The following SRPK2 variants were observed in gnomAD, a reference collection of about 807,000 sequenced individuals.
The protein encoded by SRPK2 is SFRS protein kinase 2.
Under a neutral mutation model 90.8 loss-of-function variants are expected in SRPK2, and 21 were observed. The observed-to-expected ratio is 0.23, with a 90% confidence interval of 0.16 to 0.33. SRPK2 has a LOEUF of 0.33. Among genes scored for constraint, SRPK2 ranks in the 10% least tolerant of loss-of-function variants. SRPK2 has a pLI of 1.00. For missense variants in SRPK2, 620 were observed against 869.0 expected (o/e 0.71, Z 3.60); for synonymous variants, 288 against 311.1 (o/e 0.93, Z 0.78).
At chr7:105,204,870 G>C (rs1795998557) in intron 2 of SRPK2, 4 of 434,748 alleles carry the variant, frequency 9.2e-6, no homozygotes, top group Non-Finnish European at 1.8e-5. Flanking sequence ...TAGTTGTTGA[G>C]AGCAGGTGGA....
chr7:105,130,549 CCAAA>C (rs1391448602), intron 13 of SRPK2, among the ~76,000 whole-genome samples: 7 of 151,860 alleles, frequency 4.6e-5, no homozygotes, highest in Non-Finnish European at 7.4e-5. Context: ...GACCTTGTCT[CCAAA>C]CAAACAAACA....
chr7:105,146,465 T>C (rs1419465706), intron 8 of SRPK2, 28 bp downstream of exon 8: 4 of 1,610,724 alleles, frequency 2.5e-6, no homozygotes, highest in Non-Finnish European at 3.4e-6. Flanking sequence ...GCCCCCACAC[T>C]GAAATGAAGC....
At chr7:105,161,519 A>G (rs1430867472) in intron 6 of SRPK2, among the ~76,000 whole-genome samples, 1 of 152,174 alleles carries the variant, frequency 6.6e-6, no homozygotes, top group Non-Finnish European at 1.5e-5. Context: ...CTAGGTGTAG[A>G]GTGCACTTAG....
chr7:105,324,169 T>C (rs1813294001), intron 2 of SRPK2, among the ~76,000 whole-genome samples: 4 of 151,476 alleles, frequency 2.6e-5, no homozygotes, highest in Admixed American at 2.0e-4. Context: ...GGTAATTATA[T>C]ATATTTTTTT....
intron 2 of SRPK2, among the ~76,000 whole-genome samples, chr7:105,255,299 T>C (rs1391062506): frequency 2.0e-5 from 3 of 151,782 alleles, no homozygotes; most frequent in Non-Finnish European, 4.4e-5. Context: ...TCACCTTTAC[T>C]AGTTGCACAG....
chr7:105,189,619 A>C (rs1251168057), intron 3 of SRPK2: 2 of 152,368 alleles, frequency 1.3e-5, no homozygotes, highest in Non-Finnish European at 2.9e-5. Context: ...CAAAAATACA[A>C]AAATTAGATG....
rs189198645 is a variant in SRPK2, at chr7:105,366,782, C to G, written c.71+21866G>C. 1.1e-4 allele frequency among the ~76,000 whole-genome samples: 16 copies of G among 152,296 alleles called. No individual in the cohort carries two copies. The East Asian group carries it at 3.1e-3, about 29-fold the overall frequency. On this transcript the variant is annotated intron_variant, in intron 2 of 15. Coordinates refer to ENST00000393651, the MANE Select transcript of SRPK2 (RefSeq NM_182692.3). ...ATTTTCATGCATGCTGGTATAGCTG[C>G]AACAATGGCTTCATGAATTTCCTTT... is the stretch of plus-strand genomic sequence containing the variant.
intron 4 of SRPK2, 111 bp from the exon 5 acceptor site, chr7:105,168,206 C>A (rs1790333929): frequency 3.5e-6 from 3 of 847,642 alleles, no homozygotes; most frequent in Admixed American, 2.7e-5. Context: ...CAAAATGCGC[C>A]AAAACCTAAA....
intron 2 of SRPK2, chr7:105,332,857 C>A (rs2131733300): frequency 6.6e-6 from 1 of 151,938 alleles, no homozygotes; most frequent in South Asian, 2.1e-4. Flanking sequence ...GGCCCCTGCC[C>A]AAGGATGACT....
At chr7:105,230,146 G>T (rs945648363) in intron 2 of SRPK2, among the ~76,000 whole-genome samples, 7 of 152,226 alleles carry the variant, frequency 4.6e-5, no homozygotes, top group Non-Finnish European at 7.3e-5. Flanking sequence ...AAGAATGCCT[G>T]AGGATAAGAG....
intron 2 of SRPK2, among the ~76,000 whole-genome samples, chr7:105,367,160 T>TA (rs1194507549): frequency 2.0e-5 from 3 of 152,058 alleles, no homozygotes; most frequent in Admixed American, 6.6e-5. Context: ...GTGCTGGTAT[T>TA]ACAGGTATGA....
At chr7:105,177,120 T>C (rs1792068048) in intron 3 of SRPK2, among the ~76,000 whole-genome samples, 2 of 151,900 alleles carry the variant, frequency 1.3e-5, no homozygotes, top group African/African-American at 4.8e-5. Flanking sequence ...GTCAGGAAAG[T>C]GATTAAATCA....
chr7:105,121,857 A>C (rs1382271977), intron 15 of SRPK2, among the ~76,000 whole-genome samples: 1 of 152,250 alleles, frequency 6.6e-6, no homozygotes, highest in Admixed American at 6.5e-5. Flanking sequence ...TGAAATTGTC[A>C]TATTCCAGAA....
intron 2 of SRPK2, among the ~76,000 whole-genome samples, chr7:105,212,307 G>C (rs1247067149): frequency 6.6e-6 from 1 of 152,188 alleles, no homozygotes; most frequent in East Asian, 1.9e-4. Flanking sequence ...GCACTGAGGG[G>C]TGTACAGTCT....
intron 2 of SRPK2, among the ~76,000 whole-genome samples, chr7:105,262,716 G>A (rs1005546885): frequency 1.3e-5 from 2 of 152,112 alleles, no homozygotes; most frequent in South Asian, 4.1e-4. Flanking sequence ...CCTCAGGAAC[G>A]CTCATGTTCA....
intron 2 of SRPK2, among the ~76,000 whole-genome samples, chr7:105,280,879 AGAGT>A (rs1196049365): frequency 7.8e-6 from 1 of 128,042 alleles, no homozygotes; most frequent in Admixed American, 9.6e-5. Flanking sequence ...CCCAGGAGGC[AGAGT>A]TTGCAGTGAG....
chr7:105,156,450 C>T (rs538807242), intron 7 of SRPK2, among the ~76,000 whole-genome samples: 1 of 152,320 alleles, frequency 6.6e-6, no homozygotes, highest in African/African-American at 2.4e-5. Context: ...ATTAGCATTA[C>T]TATCTCTCAT....
At chr7:105,195,568 T>C (rs1794816786) in intron 3 of SRPK2, among the ~76,000 whole-genome samples, 2 of 152,214 alleles carry the variant, frequency 1.3e-5, no homozygotes, top group Admixed American at 6.5e-5. Context: ...AGTTTCCCCA[T>C]TTGTTAGGAA....
At chr7:105,281,159 C>T (rs1035584122) in intron 2 of SRPK2, among the ~76,000 whole-genome samples, 1 of 151,306 alleles carries the variant, frequency 6.6e-6, no homozygotes. Flanking sequence ...TATAGTAGCG[C>T]GATCTCAGCT....
Sources: allele counts gnomAD v4.1 joint callset (sites outside exome capture counted in the v4.1 genomes callset), GRCh38; gene constraint gnomAD v4.1.1; transcripts MANE v1.5; gene names NCBI Gene and HGNC (gene_info 2026-07-23, HGNC 2026-07-21).